Variants in GCN1 observed in about 807,000 individuals in gnomAD.
GCN1 encodes stalled ribosome sensor GCN1.
GCN1 carries 90 observed loss-of-function variants against 288.4 expected under a neutral mutation model. The observed-to-expected ratio is 0.31, with a 90% CI of 0.26 to 0.37. The LOEUF (loss-of-function observed/expected upper bound fraction) is 0.37, where lower values mean the gene tolerates loss of function less well. GCN1 is among the 10% of genes least tolerant of loss of function. GCN1 has a pLI of 1.00. For missense variants in GCN1, 2,586 were observed against 3,419.9 expected (o/e 0.76, Z 6.08); for synonymous variants, 1,386 against 1,420.2 (o/e 0.98, Z 0.54).
chr12:120,181,495 C>G (rs1303967366), intron 5 of GCN1, among the ~76,000 whole-genome samples: 1 of 105,446 alleles, frequency 9.5e-6, no homozygotes, highest in African/African-American at 4.1e-5. Context: ...AAGAAGTCTG[C>G]AGAATCATGG....
At chr12:120,174,230 C>T (rs907633908) in intron 12 of GCN1, 61 bp from the exon 13 acceptor site, 1 of 908,048 alleles carries the variant, frequency 1.1e-6, no homozygotes, top group Non-Finnish European at 1.8e-6. Context: ...GCAAGTCTTC[C>T]CACTGCTGCC....
chr12:120,177,387 C>T (rs1566317084), intron 9 of GCN1, 60 bp downstream of exon 9: 16 of 820,656 alleles, frequency 1.9e-5, no homozygotes, highest in East Asian at 7.4e-5. Context: ...TGCCAAATAT[C>T]GAGAATAGAG....
At chr12:120,177,830 G>C in intron 7 of GCN1, 78 bp from the exon 8 acceptor site, 2 of 1,024,818 alleles carry the variant, frequency 2.0e-6, no homozygotes, top group East Asian at 4.7e-5. Flanking sequence ...CCTCTTGTGA[G>C]AGTGCCTCCA....
intron 10 of GCN1, 86 bp from the exon 11 acceptor site, chr12:120,175,960 T>G: frequency 1.3e-6 from 2 of 1,493,134 alleles, no homozygotes; most frequent in Non-Finnish European, 1.8e-6. Flanking sequence ...CCCCATCTCT[T>G]CAGTATTAGC....
At chr12:120,136,777 G>C (rs1877018089) in intron 50 of GCN1, 45 bp from the exon 51 acceptor site, 1 of 1,453,348 alleles carries the variant, frequency 6.9e-7, no homozygotes, top group Non-Finnish European at 9.6e-7. Flanking sequence ...AAACACCCTG[G>C]GCCCTGGTGT....
chr12:120,189,371 T>C (rs1361104168), intron 2 of GCN1, among the ~76,000 whole-genome samples: 1 of 127,318 alleles, frequency 7.9e-6, no homozygotes, highest in Admixed American at 8.2e-5. Flanking sequence ...ACACCCAGGC[T>C]TTTTTTTTTT....
chr12:120,165,009 A>ACACACT (rs1288618113), intron 16 of GCN1, among the ~76,000 whole-genome samples: 1 of 136,530 alleles, frequency 7.3e-6, no homozygotes, highest in African/African-American at 2.8e-5. Flanking sequence ...ATATACACAC[A>ACACACT]CACACACACA....
intron 42 of GCN1, among the ~76,000 whole-genome samples, chr12:120,143,506 C>T (rs1426482715): frequency 2.0e-5 from 3 of 149,930 alleles, no homozygotes; most frequent in Admixed American, 6.7e-5. Context: ...TGCTTGAACC[C>T]GGGAGGCAGA....
chr12:120,185,677 C>G (rs1244138538), intron 2 of GCN1, among the ~76,000 whole-genome samples: 1 of 152,110 alleles, frequency 6.6e-6, no homozygotes, highest in South Asian at 2.1e-4. Flanking sequence ...CTCGGCTCAC[C>G]GCAACCTCCG....
chr12:120,182,657 G>A (rs1259798593), intron 5 of GCN1, among the ~76,000 whole-genome samples: 1 of 152,170 alleles, frequency 6.6e-6, no homozygotes, highest in Non-Finnish European at 1.5e-5. Flanking sequence ...CAGATCCAAG[G>A]CCTGGCAAAG....
chr12:120,172,521 C>CT (rs1362967011), intron 14 of GCN1, among the ~76,000 whole-genome samples: 1 of 152,016 alleles, frequency 6.6e-6, no homozygotes, highest in Admixed American at 6.6e-5. Context: ...GTTTCTTTTT[C>CT]TTTTTTGAGA....
In GCN1 at chr12:120,158,468, C is replaced by G. The variant is rs770037140; in HGVS notation, c.2897G>C (p.Gly966Ala). 111 of 1,551,476 alleles carry G rather than the reference C, an allele frequency of 7.2e-5. No individual in the cohort carries two copies. Among genetic ancestry groups the G allele is most frequent in the Non-Finnish European group, 8.5e-5 (97 of 1,147,158 alleles). The stretch of plus-strand genomic sequence containing the variant: ...CCCGTCCCAGCCCTTACCTGGCTCC[C>G]CCTTGCCCACCCTGCTGGTGATGGT... ...THTITSRVGK[G>A]EPGAAPLSAP... Residue 966 changes from glycine (G) to alanine (A), a missense_variant, in exon 25 of 58, where the codon GGG (glycine) becomes GCG (alanine). Transcript: ENST00000300648. This position sits in a 1 kb window ranked among gnomAD's most constrained non-coding sequence, Gnocchi z 4.3.
At chr12:120,162,382 T>C (rs1436184318) in intron 20 of GCN1, 3 of 393,826 alleles carry the variant, frequency 7.6e-6, no homozygotes, top group Admixed American at 4.1e-5. Context: ...GAGATGAGCA[T>C]GGCACCCAAG....
intron 20 of GCN1, chr12:120,162,315 G>T: frequency 1.9e-6 from 1 of 516,090 alleles, no homozygotes; most frequent in Non-Finnish European, 3.5e-6. Context: ...TTCAGGTGGA[G>T]CTGCCCTCAC....
chr12:120,149,163 T>G (rs1877457765), intron 36 of GCN1, among the ~76,000 whole-genome samples: 1 of 152,164 alleles, frequency 6.6e-6, no homozygotes, highest in Admixed American at 6.5e-5. Context: ...CTTAGGGTTG[T>G]GGCTCTTGTC....
rs571074879 is a variant in GCN1, at chr12:120,137,891, C to T, written c.6393+10G>A. 37 of 1,614,062 alleles carry T rather than the reference C, an allele frequency of 2.3e-5. No individual in the cohort carries two copies. Among genetic ancestry groups the T allele is most frequent in the South Asian group, 7.7e-5 (7 of 91,072 alleles). On this transcript the variant is annotated intron_variant, in intron 48 of 57. Transcript: ENST00000300648. This position sits in a 1 kb window ranked among gnomAD's most constrained non-coding sequence, Gnocchi z 5.2. The stretch of plus-strand genomic sequence containing the variant: ...GGACATGAGAAAGCAGGAGCAGGCT[C>T]GCCCCTTACCAGCTGCTCATCTGGG...
chr12:120,162,775 T>C (rs1357860739), intron 20 of GCN1, 72 bp downstream of exon 20: 4 of 1,512,012 alleles, frequency 2.6e-6, no homozygotes, highest in African/African-American at 1.4e-5. Context: ...CTTTGAATCC[T>C]CTCTTCCTGT....
intron 21 of GCN1, 55 bp downstream of exon 21, chr12:120,161,825 A>C: frequency 6.4e-7 from 1 of 1,553,084 alleles, no homozygotes; most frequent in South Asian, 1.1e-5. Flanking sequence ...TTCTACACAC[A>C]AGAAAACTAT....
chr12:120,164,570 C>T, intron 17 of GCN1, 75 bp from the exon 18 acceptor site: 3 of 1,596,184 alleles, frequency 1.9e-6, no homozygotes, highest in Non-Finnish European at 2.6e-6. Context: ...TTCCACCTGC[C>T]ACACACCCTT....
Sources: allele counts gnomAD v4.1 joint callset (sites outside exome capture counted in the v4.1 genomes callset), GRCh38; gene constraint gnomAD v4.1.1; non-coding constraint Gnocchi (gnomAD v3.1); transcripts MANE v1.5; gene names NCBI Gene and HGNC (gene_info 2026-07-23, HGNC 2026-07-21).